Variants in ROS1 observed in about 807,000 individuals in gnomAD.
ROS1 encodes proto-oncogene tyrosine-protein kinase ROS.
A neutral mutation model predicts 273.5 loss-of-function variants in ROS1; 263 were observed. The observed-to-expected ratio is 0.96, with a 90% confidence interval of 0.87 to 1.06. The LOEUF (loss-of-function observed/expected upper bound fraction) is 1.06. ROS1 is among the 50% of genes least tolerant of loss of function. ROS1 has a pLI of 0.00. For synonymous variants in ROS1, 1,008 were observed against 954.1 expected, an observed-to-expected ratio of 1.06 and a Z score of -1.04; for missense variants, 2,833 against 2,751.1, an observed-to-expected ratio of 1.03 and a Z score of -0.67.
rs1250751313 is a variant in ROS1, at chr6:117,287,403, A to T, written c.*1089T>A. On this transcript the variant is annotated 3_prime_UTR_variant, in exon 44 of 44. Coordinates refer to ENST00000368507, the MANE Select transcript of ROS1 (RefSeq NM_001378902.1). Reference sequence around the variant, plus strand: ...TAATTTTAAGCATAATTTGATACAAAATGTAATCTTAAGTATTTTATACAT... The same window carrying T: ...TAATTTTAAGCATAATTTGATACAATATGTAATCTTAAGTATTTTATACAT... Among the ~76,000 whole-genome samples the T allele has an allele frequency of 6.6e-6, 1 of 152,220 alleles. No homozygotes were observed. Among genetic ancestry groups the T allele is most frequent in the East Asian group, 1.9e-4 (1 of 5,196 alleles).
intron 19 of ROS1, 98 bp from the exon 20 acceptor site, chr6:117,365,839 G>A (rs17633009): frequency 0.085 from 88,932 of 1,041,004 alleles, 4,252 homozygotes; most frequent in Non-Finnish European, 0.094. Flanking sequence ...CTAATAATTA[G>A]AACTGAAACA....
At chr6:117,392,409 A>G (rs1057391269) in intron 12 of ROS1, among the ~76,000 whole-genome samples, 3 of 152,158 alleles carry the variant, frequency 2.0e-5, no homozygotes, top group Admixed American at 6.5e-5. Flanking sequence ...AAAAAGTTTA[A>G]TCTTACAAAC....
chr6:117,362,214 C>A (rs865864002), intron 22 of ROS1, among the ~76,000 whole-genome samples: 1 of 152,024 alleles, frequency 6.6e-6, no homozygotes. Flanking sequence ...CCCCTCTTGC[C>A]TCTCTACTTT....
intron 1 of ROS1, among the ~76,000 whole-genome samples, chr6:117,419,621 T>G (rs901548865): frequency 1.3e-5 from 2 of 152,282 alleles, no homozygotes; most frequent in Non-Finnish European, 2.9e-5. Flanking sequence ...TGTTCAAAAG[T>G]TGGTTGAATC....
In ROS1 at chr6:117,288,812, A is replaced by T; in HGVS notation, c.6716-10T>A. ...ACATCGCCATCTTCACCTGTGAAAA[A>T]AATATGAATGTTATTCTAGCATGTA... On this transcript the variant is annotated splice_polypyrimidine_tract_variant and intron_variant, in intron 43 of 43. Coordinates refer to ENST00000368507, the MANE Select transcript of ROS1 (RefSeq NM_001378902.1). 2 of 1,573,704 alleles carry T rather than the reference A, an allele frequency of 1.3e-6. No individual in the cohort carries two copies. Among genetic ancestry groups the T allele is most frequent in the South Asian group, 1.2e-5 (1 of 85,076 alleles).
chr6:117,405,138 A>G (rs559823828), intron 5 of ROS1, among the ~76,000 whole-genome samples: 6 of 152,350 alleles, frequency 3.9e-5, no homozygotes, highest in African/African-American at 1.4e-4. Flanking sequence ...TTTTATAGAA[A>G]CAAAATCAGC....
At chr6:117,312,889 T>C (rs73564798) in intron 39 of ROS1, among the ~76,000 whole-genome samples, 1,661 of 152,266 alleles carry the variant, frequency 0.011, 27 homozygotes, top group African/African-American at 0.037. Flanking sequence ...GTTCAGCTAC[T>C]GTTCTACCTC....
At chr6:117,381,946 A>AT (rs1243802167) in intron 17 of ROS1, among the ~76,000 whole-genome samples, 1 of 152,134 alleles carries the variant, frequency 6.6e-6, no homozygotes, top group Non-Finnish European at 1.5e-5. Flanking sequence ...TGACTCACTC[A>AT]TTTATGGGGA....
intron 18 of ROS1, among the ~76,000 whole-genome samples, chr6:117,378,844 T>A (rs1250954323): frequency 6.6e-6 from 1 of 152,168 alleles, no homozygotes; most frequent in Non-Finnish European, 1.5e-5. Context: ...CTCCTGAGTG[T>A]CTATACTGTA....
intron 17 of ROS1, among the ~76,000 whole-genome samples, chr6:117,381,909 G>A (rs1270586181): frequency 1.3e-5 from 2 of 152,066 alleles, no homozygotes; most frequent in Non-Finnish European, 2.9e-5. Context: ...GGGTAAGAAG[G>A]ATGAATTTCC....
At position 117,342,457 on chromosome 6, in the gene ROS1, C is replaced by A; in HGVS notation, c.4594G>T (p.Asp1532Tyr). The A allele has an allele frequency of 1.2e-6, 2 of 1,611,144 alleles. No homozygotes were observed. The highest frequency in any genetic ancestry group is 1.1e-5 in the South Asian group (1 of 90,960). Residue 1532 changes from aspartate (D) to tyrosine (Y), a missense_variant, in exon 29 of 44, where the codon GAT becomes TAT. Asp to Tyr is a radical substitution (Grantham distance 160). Coordinates refer to ENST00000368507, the MANE Select transcript of ROS1 (RefSeq NM_001378902.1). ...IQIAVKNYYS[D>Y]PLEHLPPGKE... The stretch of plus-strand genomic sequence containing the variant: ...CCTGGTGGTAAATGTTCCAAAGGAT[C>A]TGAATAATAATTTTTTACAGCTATC...
At chr6:117,313,901 T>A (rs1284974372) in intron 39 of ROS1, among the ~76,000 whole-genome samples, 1 of 152,128 alleles carries the variant, frequency 6.6e-6, no homozygotes, top group African/African-American at 2.4e-5. Flanking sequence ...CACCTAACGA[T>A]GTCTCTATGG....
At chr6:117,421,375 T>C (rs1775744001) in intron 1 of ROS1, among the ~76,000 whole-genome samples, 1 of 151,956 alleles carries the variant, frequency 6.6e-6, no homozygotes, top group South Asian at 2.1e-4. Context: ...GTATACATTG[T>C]ACCCAACATG....
intron 43 of ROS1, among the ~76,000 whole-genome samples, chr6:117,294,441 C>G (rs560256129): frequency 1.3e-5 from 2 of 152,230 alleles, no homozygotes; most frequent in African/African-American, 4.8e-5. Context: ...GTTGAACTAT[C>G]CTTGCATCCC....
chr6:117,342,544 C>A lies in ROS1; in HGVS notation c.4507G>T (p.Glu1503Ter). 6.8e-7 allele frequency: 1 copy of A among 1,463,698 alleles called. No individual in the cohort carries two copies. Among genetic ancestry groups the A allele is most frequent in the Non-Finnish European group, 9.1e-7 (1 of 1,094,754 alleles). 90.7% of individuals were successfully genotyped at this position (1,463,698 alleles called of 1,614,324 possible). Residue 1503 changes from glutamate to a stop codon, truncating the protein, a stop_gained and splice_region_variant, in exon 29 of 44, where the codon GAA becomes TAA. Coordinates refer to ENST00000368507, the MANE Select transcript of ROS1 (RefSeq NM_001378902.1). LOFTEE classifies it high-confidence loss of function. ...ATAAGAGCTATACTGTCCTGAAATTCCTGTAATTGATTTTTTAAAAATCAA... is the reference window on the plus strand; with the variant it reads ...ATAAGAGCTATACTGTCCTGAAATTACTGTAATTGATTTTTTAAAAATCAA... Reference protein sequence around the residue: ...NSSDLKYRILEFQDSIALIED... With the variant: ...NSSDLKYRIL
At chr6:117,408,812 C>T (rs1774646202) in intron 5 of ROS1, among the ~76,000 whole-genome samples, 1 of 152,140 alleles carries the variant, frequency 6.6e-6, no homozygotes, top group Non-Finnish European at 1.5e-5. Flanking sequence ...TTGGAACCAA[C>T]CCAAATGTCC....
At chr6:117,313,274 A>C (rs1582588426) in intron 39 of ROS1, among the ~76,000 whole-genome samples, 1 of 152,138 alleles carries the variant, frequency 6.6e-6, no homozygotes, top group African/African-American at 2.4e-5. Context: ...TCCTTTTAAC[A>C]AAAGTTAAGG....
chr6:117,329,005 T>C (rs1482997392), intron 33 of ROS1, among the ~76,000 whole-genome samples: 1 of 152,246 alleles, frequency 6.6e-6, no homozygotes, highest in Admixed American at 6.5e-5. Flanking sequence ...CCATCATTAT[T>C]TAACATTAAA....
intron 12 of ROS1, 35 bp from the exon 13 acceptor site, chr6:117,389,881 A>G: frequency 6.4e-7 from 1 of 1,571,144 alleles, no homozygotes; most frequent in East Asian, 2.3e-5. Context: ...CATGAGATTC[A>G]GTCCAAAGGT....
Sources: gnomAD v4.1 joint callset for allele counts (sites outside exome capture counted in the v4.1 genomes callset) on GRCh38, gnomAD v4.1.1 for gene constraint, MANE v1.5 for transcripts, NCBI Gene and HGNC (gene_info 2026-07-23, HGNC 2026-07-21) for gene names.